Variants in GRM7 observed in about 807,000 individuals in gnomAD.
GRM7 encodes metabotropic glutamate receptor 7.
A neutral mutation model predicts 84.5 loss-of-function variants in GRM7; 35 were observed. The ratio of observed to expected loss-of-function variants is 0.41; its 90% CI spans 0.32 to 0.55. The LOEUF (loss-of-function observed/expected upper bound fraction) is 0.55. Among genes scored for constraint, GRM7 ranks in the 20% least tolerant of loss-of-function variants. The probability of loss-of-function intolerance (pLI) is 0.19; values close to 1 mark genes in which losing one functional copy is unlikely to be tolerated. For missense variants in GRM7, 1,003 were observed against 1,194.6 expected (o/e 0.84, Z 2.36); for synonymous variants, 487 against 455.1 (o/e 1.07, Z -0.89).
At chr3:7,677,433 G>A (rs1700180871) in intron 8 of GRM7, among the ~76,000 whole-genome samples, 1 of 152,126 alleles carries the variant, frequency 6.6e-6, no homozygotes, top group African/African-American at 2.4e-5. Flanking sequence ...AAGCTGAGGA[G>A]AAGTAATTTG....
At chr3:7,124,740 C>A (rs191788772) in intron 1 of GRM7, among the ~76,000 whole-genome samples, 1 of 152,034 alleles carries the variant, frequency 6.6e-6, no homozygotes, top group East Asian at 1.9e-4. Flanking sequence ...TTTTCCCCAT[C>A]ACAATGAGAA....
chr3:7,539,425 C>T (rs1161015143), intron 7 of GRM7, among the ~76,000 whole-genome samples: 1 of 152,002 alleles, frequency 6.6e-6, no homozygotes, highest in African/African-American at 2.4e-5. Context: ...GCCTGTAATC[C>T]CAGCACTTTG....
At chr3:7,409,822 G>C (rs1369350492) in intron 4 of GRM7, among the ~76,000 whole-genome samples, 1 of 151,974 alleles carries the variant, frequency 6.6e-6, no homozygotes, top group Non-Finnish European at 1.5e-5. Context: ...GGATGGTCTC[G>C]ATCTCCTGAC....
At chr3:6,944,605 A>G (rs1442640270) in intron 1 of GRM7, among the ~76,000 whole-genome samples, 2 of 152,100 alleles carry the variant, frequency 1.3e-5, no homozygotes, top group Non-Finnish European at 2.9e-5. Flanking sequence ...TTGCATATGT[A>G]TTCCTGAGAG....
intron 7 of GRM7, among the ~76,000 whole-genome samples, chr3:7,501,055 A>G (rs1272708891): frequency 5.9e-5 from 9 of 152,234 alleles, no homozygotes; most frequent in Admixed American, 5.9e-4. Flanking sequence ...TGAAGTAAAA[A>G]GATAACTAAT....
At chr3:7,403,833 A>G (rs1172542229) in intron 4 of GRM7, among the ~76,000 whole-genome samples, 2 of 150,654 alleles carry the variant, frequency 1.3e-5, no homozygotes, top group Non-Finnish European at 3.0e-5. Context: ...GGATGGATGG[A>G]TAGATAGATA....
intron 9 of GRM7, among the ~76,000 whole-genome samples, chr3:7,736,095 CTTATT>C (rs750748242): frequency 6.6e-6 from 1 of 152,136 alleles, no homozygotes; most frequent in Non-Finnish European, 1.5e-5. Context: ...TAAATGCTAT[CTTATT>C]AATGTTTTAA....
chr3:7,523,469 A>T (rs1700676379), intron 7 of GRM7, among the ~76,000 whole-genome samples: 2 of 152,160 alleles, frequency 1.3e-5, no homozygotes. Context: ...ACTGGTAAGC[A>T]GGCATCTCCG....
chr3:7,495,421 T>C (rs1373739796), intron 7 of GRM7, among the ~76,000 whole-genome samples: 1 of 152,104 alleles, frequency 6.6e-6, no homozygotes, highest in African/African-American at 2.4e-5. Context: ...GGGGCCAGGC[T>C]TCTTGCTATT....
chr3:7,162,667 A>AGGCAATTT (rs1283478580), intron 2 of GRM7, among the ~76,000 whole-genome samples: 5 of 149,084 alleles, frequency 3.4e-5, no homozygotes, highest in African/African-American at 4.9e-5. Flanking sequence ...GGGCTTAAAA[A>AGGCAATTT]GGCAATTTGA....
At chr3:7,625,104 T>A (rs1697544758) in intron 8 of GRM7, among the ~76,000 whole-genome samples, 2 of 152,182 alleles carry the variant, frequency 1.3e-5, no homozygotes, top group African/African-American at 4.8e-5. Flanking sequence ...ATTCACACTA[T>A]GCAATGACTG....
At chr3:7,161,763 G>T (rs959009340) in intron 2 of GRM7, among the ~76,000 whole-genome samples, 20 of 152,106 alleles carry the variant, frequency 1.3e-4, no homozygotes, top group African/African-American at 4.1e-4. Context: ...CTAGATCCTA[G>T]GGGTGAACAA....
intron 8 of GRM7, among the ~76,000 whole-genome samples, chr3:7,670,335 A>C (rs1699866617): frequency 6.6e-6 from 1 of 152,228 alleles, no homozygotes. Flanking sequence ...ATCAGCAAAC[A>C]TAAGAGCCAG....
At chr3:7,108,836 C>T (rs1404474537) in intron 1 of GRM7, among the ~76,000 whole-genome samples, 4 of 151,982 alleles carry the variant, frequency 2.6e-5, no homozygotes, top group Admixed American at 1.3e-4. Context: ...GTCATAGAGG[C>T]GCTTGGTTTC....
chr3:7,180,970 G>A (rs1314398512), intron 2 of GRM7, among the ~76,000 whole-genome samples: 4 of 151,944 alleles, frequency 2.6e-5, no homozygotes, highest in South Asian at 4.2e-4. Flanking sequence ...TTTGGAATTG[G>A]GTAAAACATC....
intron 1 of GRM7, among the ~76,000 whole-genome samples, chr3:7,093,005 C>T (rs1698723938): frequency 1.3e-5 from 2 of 152,164 alleles, no homozygotes; most frequent in East Asian, 1.9e-4. Context: ...ATTCCTTGAG[C>T]CCAGAAAGTT....
chr3:7,571,866 A>T (rs1694678292), intron 7 of GRM7, among the ~76,000 whole-genome samples: 1 of 150,486 alleles, frequency 6.6e-6, no homozygotes, highest in South Asian at 2.1e-4. Context: ...GGGAGGCCTC[A>T]CAATCATGGC....
chr3:6,976,492 T>C (rs575199602), intron 1 of GRM7, among the ~76,000 whole-genome samples: 1 of 152,304 alleles, frequency 6.6e-6, no homozygotes, highest in East Asian at 1.9e-4. Flanking sequence ...ATTGTTCCAG[T>C]GTTACCTGGT....
chr3:7,063,743 T>G (rs974687536), intron 1 of GRM7, among the ~76,000 whole-genome samples: 2 of 151,712 alleles, frequency 1.3e-5, no homozygotes, highest in Admixed American at 1.3e-4. Context: ...TCACCCCCTA[T>G]TCCAATGGAG....
Sources: allele counts gnomAD v4.1 joint callset (sites outside exome capture counted in the v4.1 genomes callset), GRCh38; gene constraint gnomAD v4.1.1; transcripts MANE v1.5; gene names NCBI Gene and HGNC (gene_info 2026-07-23, HGNC 2026-07-21).